The following CHST8 variants were observed in gnomAD, a reference collection of about 807,000 sequenced individuals.
CHST8 encodes GALNAC-4-ST1.
CHST8 carries 10 observed loss-of-function variants against 15.0 expected under a neutral mutation model. The ratio of observed to expected loss-of-function variants is 0.67; its 90% confidence interval spans 0.41 to 1.13. CHST8 has a LOEUF of 1.13. Ranked by LOEUF, CHST8 falls within the 50% of genes most tolerant of loss-of-function variation. The probability of loss-of-function intolerance (pLI) is 0.00; values close to 1 mark genes in which losing one functional copy is unlikely to be tolerated. For missense variants in CHST8, 634 were observed against 608.2 expected (o/e 1.04, Z -0.45); for synonymous variants, 259 against 256.6 (o/e 1.01, Z -0.09).
intron 1 of CHST8, among the ~76,000 whole-genome samples, chr19:33,660,915 C>T (rs1972577349): frequency 6.6e-6 from 1 of 152,072 alleles, no homozygotes; most frequent in South Asian, 2.1e-4. Context: ...TGTGTGAAGC[C>T]AAAGACCCTC....
intron 3 of CHST8, among the ~76,000 whole-genome samples, chr19:33,728,547 C>A (rs1973942921): frequency 1.3e-5 from 2 of 152,236 alleles, no homozygotes; most frequent in Admixed American, 6.5e-5. Context: ...CCATGCCCTG[C>A]AGGCCTCACA....
chr19:33,674,483 G>A (rs73926581), intron 2 of CHST8, among the ~76,000 whole-genome samples: 3,054 of 152,320 alleles, frequency 0.02, 91 homozygotes, highest in African/African-American at 0.066. Flanking sequence ...GGAAAAGGAC[G>A]ATTGCATGCA....
chr19:33,662,265 A>G (rs1397754467), intron 1 of CHST8, among the ~76,000 whole-genome samples: 1 of 152,064 alleles, frequency 6.6e-6, no homozygotes, highest in African/African-American at 2.4e-5. Flanking sequence ...TTTAGTAGAC[A>G]TGGTGTTTCA....
rs11084748 is a variant in CHST8 at position 33,747,363 on chromosome 19, C to T, written c.131-24050C>T. ...GATACTCCTCTTCTGGAAGGCGACA[C>T]CTTCCCCCTGGAGTTGGCCTGCAAC... On this transcript the variant is annotated intron_variant, in intron 3 of 4. Coordinates refer to ENST00000650847, the MANE Select transcript of CHST8 (RefSeq NM_001127895.2). 3.4e-3 allele frequency among the ~76,000 whole-genome samples: 513 copies of T among 152,262 alleles called. 4 individuals carry two copies. The highest frequency in any genetic ancestry group is 0.012 in the African/African-American group (496 of 41,528).
chr19:33,718,237 T>TA, intron 3 of CHST8, among the ~76,000 whole-genome samples: 1 of 149,074 alleles, frequency 6.7e-6, no homozygotes, highest in Non-Finnish European at 1.5e-5. Context: ...TTTTTTTTTT[T>TA]AAACAGACTC....
chr19:33,767,018 T>G (rs1481464313), intron 3 of CHST8, among the ~76,000 whole-genome samples: 1 of 152,270 alleles, frequency 6.6e-6, no homozygotes, highest in Non-Finnish European at 1.5e-5. Context: ...CTCCCATGCC[T>G]GTCCCTCTGC....
intron 3 of CHST8, among the ~76,000 whole-genome samples, chr19:33,701,238 C>G (rs1003126978): frequency 6.6e-6 from 1 of 152,106 alleles, no homozygotes; most frequent in Non-Finnish European, 1.5e-5. Flanking sequence ...TCCCAGTCTT[C>G]TACGTGGCCA....
chr19:33,729,424 T>A (rs1973956246), intron 3 of CHST8, among the ~76,000 whole-genome samples: 1 of 152,194 alleles, frequency 6.6e-6, no homozygotes, highest in South Asian at 2.1e-4. Flanking sequence ...GAGACAGAAG[T>A]CACAGCGCGT....
chr19:33,699,475 C>T (rs1973290048), intron 3 of CHST8, among the ~76,000 whole-genome samples: 1 of 152,118 alleles, frequency 6.6e-6, no homozygotes, highest in African/African-American at 2.4e-5. Flanking sequence ...AAGAGGGGAA[C>T]TGTGGGCTGC....
chr19:33,692,220 C>T (rs557761077), intron 3 of CHST8, among the ~76,000 whole-genome samples: 36 of 152,276 alleles, frequency 2.4e-4, no homozygotes, highest in African/African-American at 6.7e-4. Flanking sequence ...CTATCCGATG[C>T]GAAGATGAAG....
intron 1 of CHST8, among the ~76,000 whole-genome samples, chr19:33,631,118 G>A (rs1354504314): frequency 1.3e-5 from 2 of 152,376 alleles, no homozygotes; most frequent in South Asian, 4.1e-4. Context: ...CGCTGTCTAT[G>A]CTGGTTGGGC....
At chr19:33,623,673 G>A (rs2145428701) in intron 1 of CHST8, among the ~76,000 whole-genome samples, 1 of 152,322 alleles carries the variant, frequency 6.6e-6, no homozygotes, top group Non-Finnish European at 1.5e-5. Flanking sequence ...CTAGGACAGG[G>A]CACCCGTGGA....
Position 33,745,899 on chromosome 19 carries a change from G to C in CHST8, c.131-25514G>C, listed in dbSNP as rs148373423. Among the ~76,000 whole-genome samples, 11 of 152,330 alleles carry C rather than the reference G, an allele frequency of 7.2e-5. No individual in the cohort carries two copies. The East Asian group carries it at 1.2e-3, about 16-fold the overall frequency. Reference sequence around the variant, plus strand: ...AATCTCACCTGACCCCAGCCTCCCTGCACCCTTCACCTCTGGCTCCCAGCC... The same window carrying C: ...AATCTCACCTGACCCCAGCCTCCCTCCACCCTTCACCTCTGGCTCCCAGCC... On this transcript the variant is annotated intron_variant, in intron 3 of 4. Transcript: ENST00000650847.
chr19:33,672,097 A>T (rs1159220980), intron 2 of CHST8, among the ~76,000 whole-genome samples: 1 of 152,174 alleles, frequency 6.6e-6, no homozygotes, highest in Non-Finnish European at 1.5e-5. Context: ...GTTTCATATT[A>T]AATTTTAAAA....
chr19:33,669,439 C>T (rs1377721622), intron 2 of CHST8, among the ~76,000 whole-genome samples: 1 of 152,164 alleles, frequency 6.6e-6, no homozygotes, highest in African/African-American at 2.4e-5. Context: ...GAAGCCAAAC[C>T]ACTCTCGTGC....
chr19:33,704,932 A>T (rs1205398494), intron 3 of CHST8, among the ~76,000 whole-genome samples: 1 of 151,796 alleles, frequency 6.6e-6, no homozygotes, highest in Admixed American at 6.6e-5. Context: ...AAAAGCTAAG[A>T]ATCGGTAACA....
At chr19:33,694,466 T>A (rs1279876146) in intron 3 of CHST8, among the ~76,000 whole-genome samples, 1 of 151,858 alleles carries the variant, frequency 6.6e-6, no homozygotes. Context: ...CAGCCCCCGA[T>A]GACTCCTAGG....
At chr19:33,751,173 C>G (rs1376428576) in intron 3 of CHST8, among the ~76,000 whole-genome samples, 1 of 152,146 alleles carries the variant, frequency 6.6e-6, no homozygotes, top group Non-Finnish European at 1.5e-5. Context: ...GGCAGGGTGC[C>G]CACAGCCTGC....
intron 3 of CHST8, among the ~76,000 whole-genome samples, chr19:33,768,088 T>A (rs1347320342): frequency 6.6e-6 from 1 of 152,174 alleles, no homozygotes; most frequent in African/African-American, 2.4e-5. Context: ...CACTTGGGGA[T>A]GTGCAGACCC....
Sources: allele counts gnomAD v4.1 joint callset (sites outside exome capture counted in the v4.1 genomes callset), GRCh38; gene constraint gnomAD v4.1.1; transcripts MANE v1.5; gene names NCBI Gene and HGNC (gene_info 2026-07-23, HGNC 2026-07-21).